The following CDCA7L variants were observed in gnomAD, a reference collection of about 807,000 sequenced individuals.
The protein encoded by CDCA7L is cell division cycle associated 7 like, also known as cell division cycle-associated 7-like protein.
Under a neutral mutation model 57.4 loss-of-function variants are expected in CDCA7L, and 44 were observed. The ratio of observed to expected loss-of-function variants is 0.77; its 90% confidence interval spans 0.60 to 0.98. CDCA7L has a LOEUF of 0.98. CDCA7L is among the 50% of genes least tolerant of loss of function. CDCA7L has a pLI of 0.00. For synonymous variants in CDCA7L, 236 were observed against 202.8 expected, an observed-to-expected ratio of 1.16 and a Z score of -1.39; for missense variants, 644 against 580.6, an observed-to-expected ratio of 1.11 and a Z score of -1.12.
At position 21,901,380 on chromosome 7, in the gene CDCA7L, G is replaced by A. The variant is rs192395057; in HGVS notation, c.*942C>T. ...CTCACACGTGCATTCTTTTTTCAAC[G>A]CTATCCTTAGAGTGAAAGTCAGAAA... is the stretch of plus-strand genomic sequence containing the variant. On this transcript the variant is annotated 3_prime_UTR_variant, in exon 10 of 10. Transcript: ENST00000406877. 282 of 1,298,338 alleles carry A rather than the reference G, an allele frequency of 2.2e-4. No individual in the cohort carries two copies. Among genetic ancestry groups the A allele is most frequent in the Non-Finnish European group, 2.6e-4 (260 of 1,000,106 alleles). The allele number at this position is 1,298,338 out of a possible 1,614,324, so 80.4% of individuals were successfully genotyped here.
chr7:21,943,275 G>A (rs368259856), intron 1 of CDCA7L, among the ~76,000 whole-genome samples: 12 of 152,388 alleles, frequency 7.9e-5, no homozygotes, highest in East Asian at 7.7e-4. Context: ...GGGATGGCAG[G>A]AAAGCAGACT....
At chr7:21,904,071 A>G in intron 8 of CDCA7L, 39 bp downstream of exon 8, 1 of 1,526,170 alleles carries the variant, frequency 6.6e-7, no homozygotes, top group Non-Finnish European at 8.8e-7. Flanking sequence ...TGCTTCCTTC[A>G]CCAATACAAT....
rs778116491 is a variant in CDCA7L, at chr7:21,905,489, A to G, written c.1047+17T>C. Reference sequence around the variant, plus strand: ...CCTTCGACTCCCAATAAGAATGACAATTAATGTATACTTTACCAGAACTTT... The same window carrying G: ...CCTTCGACTCCCAATAAGAATGACAGTTAATGTATACTTTACCAGAACTTT... On this transcript the variant is annotated intron_variant, in intron 7 of 9. Coordinates refer to ENST00000406877, the MANE Select transcript of CDCA7L (RefSeq NM_018719.5). 4 of 1,612,466 alleles carry G rather than the reference A, an allele frequency of 2.5e-6. No homozygotes were observed. Among genetic ancestry groups the G allele is most frequent in the Non-Finnish European group, 3.4e-6 (4 of 1,178,980 alleles).
intron 3 of CDCA7L, 95 bp from the exon 4 acceptor site, chr7:21,908,602 A>C: frequency 7.7e-7 from 1 of 1,300,202 alleles, no homozygotes; most frequent in Non-Finnish European, 1.0e-6. Context: ...TATGAGAAAA[A>C]ACATGAAAAA....
rs905357173 is a variant in CDCA7L, at chr7:21,931,371, A to G, written c.24+14410T>C. 3.3e-5 allele frequency among the ~76,000 whole-genome samples: 5 copies of G among 152,228 alleles called. No individual in the cohort carries two copies. The South Asian group carries it at 1.0e-3, about 31-fold the overall frequency. Reference sequence around the variant, plus strand: ...ATCCCTGATGAACGAAGATTTTCACATTGGCAATAAAATACTGGCAAACCA... The same window carrying G: ...ATCCCTGATGAACGAAGATTTTCACGTTGGCAATAAAATACTGGCAAACCA... On this transcript the variant is annotated intron_variant, in intron 1 of 9. Coordinates refer to ENST00000406877, the MANE Select transcript of CDCA7L (RefSeq NM_018719.5).
intron 1 of CDCA7L, among the ~76,000 whole-genome samples, chr7:21,917,880 C>T (rs1205592263): frequency 3.7e-5 from 3 of 81,526 alleles, no homozygotes; most frequent in African/African-American, 1.4e-4. Context: ...ATAATTGTAC[C>T]GAAAATAATT....
chr7:21,903,792 C>A, intron 8 of CDCA7L: 1 of 225,634 alleles, frequency 4.4e-6, no homozygotes, highest in Non-Finnish European at 8.6e-6. Flanking sequence ...CCAGGAAAAA[C>A]AAAACAAATC....
chr7:21,902,896 C>A (rs1784979173), intron 9 of CDCA7L, 82 bp downstream of exon 9: 2 of 1,359,310 alleles, frequency 1.5e-6, no homozygotes, highest in Non-Finnish European at 1.0e-6. Flanking sequence ...CACGGGAAGG[C>A]AACAACTACT....
intron 4 of CDCA7L, among the ~76,000 whole-genome samples, chr7:21,907,012 T>C (rs1469897545): frequency 6.6e-6 from 1 of 152,178 alleles, no homozygotes; most frequent in South Asian, 2.1e-4. Flanking sequence ...AGTTTCAGGA[T>C]GTTCAAAAAA....
At position 21,916,770 on chromosome 7, in the gene CDCA7L, A is replaced by G; in HGVS notation, c.149T>C (p.Leu50Pro). Residue 50 changes from leucine to proline, a missense_variant, in exon 2 of 10, where the codon CTA (leucine) becomes CCA (proline). Leu to Pro is a moderately conservative substitution (Grantham distance 98, BLOSUM62 -3). Coordinates refer to ENST00000406877, the MANE Select transcript of CDCA7L (RefSeq NM_018719.5). ...CATCCATACCTGTTTCCCTGACTCTAGTGAGTCAAAACTATCGCAGCTCTC... is the reference window on the plus strand; with the variant it reads ...CATCCATACCTGTTTCCCTGACTCTGGTGAGTCAAAACTATCGCAGCTCTC... ...SEESCDSFDS[L>P]ESGKQQDVRF... is the part of the protein sequence containing the mutation. The G allele has an allele frequency of 1.2e-6, 2 of 1,613,842 alleles. No homozygotes were observed. Among genetic ancestry groups the G allele is most frequent in the Non-Finnish European group, 1.7e-6 (2 of 1,179,748 alleles).
intron 4 of CDCA7L, 41 bp from the exon 5 acceptor site, chr7:21,906,680 GC>G: frequency 6.2e-7 from 1 of 1,601,516 alleles, no homozygotes; most frequent in Non-Finnish European, 8.5e-7. Context: ...CAAAAATAGG[GC>G]TCCAGGTTTA....
chr7:21,937,022 A>G (rs760115747), intron 1 of CDCA7L, among the ~76,000 whole-genome samples: 2 of 152,244 alleles, frequency 1.3e-5, no homozygotes, highest in Non-Finnish European at 2.9e-5. Context: ...AACAATTATG[A>G]AAATTAAGAA....
chr7:21,917,345 A>C (rs1325324831), intron 1 of CDCA7L, among the ~76,000 whole-genome samples: 2 of 152,196 alleles, frequency 1.3e-5, no homozygotes, highest in Non-Finnish European at 2.9e-5. Flanking sequence ...CTGATTCAGA[A>C]AGTAGAAAGT....
At chr7:21,929,339 T>G (rs1785923885) in intron 1 of CDCA7L, among the ~76,000 whole-genome samples, 1 of 152,128 alleles carries the variant, frequency 6.6e-6, no homozygotes. Context: ...TGGTATCAGC[T>G]ACTGCAAAAA....
At chr7:21,936,043 GA>G (rs1786152893) in intron 1 of CDCA7L, among the ~76,000 whole-genome samples, 1 of 152,032 alleles carries the variant, frequency 6.6e-6, no homozygotes, top group Non-Finnish European at 1.5e-5. Flanking sequence ...AGGATTTTAA[GA>G]GTACTATAAA....
At chr7:21,915,103 G>A (rs181189700) in intron 2 of CDCA7L, among the ~76,000 whole-genome samples, 2 of 152,090 alleles carry the variant, frequency 1.3e-5, no homozygotes, top group East Asian at 1.9e-4. Flanking sequence ...ATGAGCATTC[G>A]GGTAAGAGCT....
chr7:21,903,905 T>C (rs1449691010), intron 8 of CDCA7L: 4 of 435,564 alleles, frequency 9.2e-6, no homozygotes, highest in African/African-American at 2.0e-5. Context: ...CTAACAACAT[T>C]AATTCTTCTA....
In CDCA7L at chr7:21,902,026, C is replaced by A. The variant is rs1037825904; in HGVS notation, c.*296G>T. The A allele has an allele frequency of 4.2e-5, 17 of 409,448 alleles. 1 individual carries two copies. Among genetic ancestry groups the A allele is most frequent in the Admixed American group, 4.0e-4 (11 of 27,408 alleles). 25.4% of individuals were successfully genotyped at this position (409,448 alleles called of 1,614,324 possible). A position where few individuals can be genotyped will look rare whatever the true frequency, so the allele number is the denominator to read the frequency against. ...CAATGTTTTCTCTCTAACTTACTTA[C>A]CTGAACTTTAACCCCACCCCATTTA... On this transcript the variant is annotated 3_prime_UTR_variant, in exon 10 of 10. Transcript: ENST00000406877.
chr7:21,927,291 G>A (rs1339885089), intron 1 of CDCA7L, among the ~76,000 whole-genome samples: 2 of 152,064 alleles, frequency 1.3e-5, no homozygotes, highest in South Asian at 2.1e-4. Context: ...TCTGGAAAAC[G>A]AGCAAAATGA....
Sources: gnomAD v4.1 joint callset for allele counts (sites outside exome capture counted in the v4.1 genomes callset) on GRCh38, gnomAD v4.1.1 for gene constraint, MANE v1.5 for transcripts, NCBI Gene and HGNC (gene_info 2026-07-23, HGNC 2026-07-21) for gene names.